Variants in CD58 observed in about 807,000 individuals in gnomAD.
CD58 encodes CD58 molecule.
Under a neutral mutation model 27.6 loss-of-function variants are expected in CD58, and 14 were observed. That is an observed-to-expected ratio of 0.51 (90% CI 0.34 to 0.79). The LOEUF is 0.79. Among genes scored for constraint, CD58 ranks in the 30% least tolerant of loss-of-function variants. The probability of loss-of-function intolerance (pLI) is 0.02; values close to 1 mark genes in which losing one functional copy is unlikely to be tolerated. For missense variants in CD58, 268 were observed against 301.7 expected (o/e 0.89, Z 0.83); for synonymous variants, 117 against 103.8 (o/e 1.13, Z -0.77).
chr1:116,546,889 C>A lies in CD58; in HGVS notation c.71-2285G>T, dbSNP rs1313391093. 2.0e-5 allele frequency among the ~76,000 whole-genome samples: 3 copies of A among 152,148 alleles called. No individual in the cohort carries two copies. Among genetic ancestry groups the A allele is most frequent in the African/African-American group, 7.2e-5 (3 of 41,424 alleles). On this transcript the variant is annotated intron_variant, in intron 1 of 5. Transcript: ENST00000369489. This position sits in a 1 kb window ranked among gnomAD's most constrained non-coding sequence, Gnocchi z 4.1. ...CATCCCTGAGATAGCAAGACCAACC[C>A]CTCCTCCCACTTAGCCTGCTTTAAC...
chr1:116,544,627 T>G, intron 1 of CD58, 23 bp from the exon 2 acceptor site: 1 of 1,528,010 alleles, frequency 6.5e-7, no homozygotes, highest in Non-Finnish European at 8.8e-7. Context: ...AAAAAATTGG[T>G]TAGAAAAAAC....
At position 116,517,199 on chromosome 1, in the gene CD58, A is replaced by C. The variant is rs1420580428; in HGVS notation, c.743+2032T>G. ...TCTCACACTCACCTGGGGCTCACGC[A>C]TATTGCTCAGATCTGAAATGCCTTC... On this transcript the variant is annotated intron_variant, in intron 5 of 5. Transcript: ENST00000369489. This position sits in a 1 kb window ranked among gnomAD's most constrained non-coding sequence, Gnocchi z 6.5. Among the ~76,000 whole-genome samples the C allele has an allele frequency of 6.6e-6, 1 of 151,814 alleles. No individual in the cohort carries two copies. The highest frequency in any genetic ancestry group is 2.4e-5 in the African/African-American group (1 of 41,320).
rs1230963374 is a variant in CD58 at position 116,532,850 on chromosome 1, T to C, written c.628+3115A>G. Reference sequence around the variant, plus strand: ...GATGGAGTAAGCGCTGTCGACGGGATTGTGCCGCATGCGGCAAAGACTGAG... The same window carrying C: ...GATGGAGTAAGCGCTGTCGACGGGACTGTGCCGCATGCGGCAAAGACTGAG... On this transcript the variant is annotated intron_variant, in intron 3 of 5. Coordinates refer to ENST00000369489, the MANE Select transcript of CD58 (RefSeq NM_001779.3). The surrounding 1 kb of genome is among the most constrained non-coding windows in gnomAD (Gnocchi z 5.1). The C allele has an allele frequency of 3.3e-6, 2 of 614,048 alleles. No individual in the cohort carries two copies. The highest frequency in any genetic ancestry group is 1.9e-5 in the African/African-American group (1 of 53,858). The allele number at this position is 614,048 out of a possible 1,614,324, so 38.0% of individuals were successfully genotyped here.
At chr1:116,560,235 C>T (rs1658712177) in intron 1 of CD58, 1 of 152,188 alleles carries the variant, frequency 6.6e-6, no homozygotes, top group Admixed American at 6.5e-5. Context: ...TTTCAAGACA[C>T]TCACATCCCA....
At chr1:116,548,503 T>C (rs1265044337) in intron 1 of CD58, among the ~76,000 whole-genome samples, 1 of 152,236 alleles carries the variant, frequency 6.6e-6, no homozygotes, top group Non-Finnish European at 1.5e-5. Context: ...TCCAGTTTCA[T>C]TCTTCTACAC....
intron 2 of CD58, among the ~76,000 whole-genome samples, chr1:116,537,119 G>A (rs559445440): frequency 1.3e-5 from 2 of 152,286 alleles, no homozygotes; most frequent in African/African-American, 4.8e-5. Context: ...AGCCAGCCAT[G>A]ATGGCTCCTG....
chr1:116,520,224 G>A (rs575890621), intron 4 of CD58, among the ~76,000 whole-genome samples: 71 of 152,016 alleles, frequency 4.7e-4, no homozygotes, highest in Non-Finnish European at 8.4e-4. Context: ...CCTCCCTCCC[G>A]CCTCAGCCTC....
intron 1 of CD58, among the ~76,000 whole-genome samples, chr1:116,553,863 T>C (rs1658470860): frequency 6.6e-6 from 1 of 152,086 alleles, no homozygotes; most frequent in South Asian, 2.1e-4. Context: ...AAACACTGGC[T>C]AAGGAGACTG....
intron 3 of CD58, chr1:116,533,363 A>G: frequency 1.0e-6 from 1 of 1,001,816 alleles, no homozygotes. Flanking sequence ...CCATGATCTC[A>G]GGACCTGCAA....
chr1:116,519,468 A>G lies in CD58; in HGVS notation c.707-201T>C, dbSNP rs929675359. ...AAGAGTTGTTCAAAAATTGGTCAGA[A>G]CATGATAGAAAACCAAATGCAAAAA... On this transcript the variant is annotated intron_variant, in intron 4 of 5. Coordinates refer to ENST00000369489, the MANE Select transcript of CD58 (RefSeq NM_001779.3). The surrounding 1 kb of genome is among the most constrained non-coding windows in gnomAD (Gnocchi z 4.7). Among the ~76,000 whole-genome samples the G allele has an allele frequency of 9.2e-5, 14 of 152,234 alleles. No individual in the cohort carries two copies. Among genetic ancestry groups the G allele is most frequent in the African/African-American group, 3.4e-4 (14 of 41,466 alleles).
Position 116,516,736 on chromosome 1 carries a change from C to A in CD58, c.744-1914G>T, listed in dbSNP as rs1021605437. Among the ~76,000 whole-genome samples, 1 of 152,194 alleles carries A rather than the reference C, an allele frequency of 6.6e-6. No individual in the cohort carries two copies. The highest frequency in any genetic ancestry group is 1.5e-5 in the Non-Finnish European group (1 of 68,036). Reference sequence around the variant, plus strand: ...CTGATTATTCTGGCCTCTCCAATTCCTCTGCGTTGGTTGCTCAGCCCTTAC... The same window carrying A: ...CTGATTATTCTGGCCTCTCCAATTCATCTGCGTTGGTTGCTCAGCCCTTAC... On this transcript the variant is annotated intron_variant, in intron 5 of 5. Coordinates refer to ENST00000369489, the MANE Select transcript of CD58 (RefSeq NM_001779.3). The surrounding 1 kb of genome is among the most constrained non-coding windows in gnomAD (Gnocchi z 6.1).
rs769982261 is a variant in CD58 at position 116,523,338 on chromosome 1, G to T, written c.629-1355C>A. Among the ~76,000 whole-genome samples, 1 of 152,082 alleles carries T rather than the reference G, an allele frequency of 6.6e-6. No individual in the cohort carries two copies. The highest frequency in any genetic ancestry group is 1.5e-5 in the Non-Finnish European group (1 of 68,012). ...TGCACTGCTAAAGGATTGGGGAGGG[G>T]TCACTAAGAACAAATGTGACATGGA... On this transcript the variant is annotated intron_variant, in intron 3 of 5. Transcript: ENST00000369489. This position sits in a 1 kb window ranked among gnomAD's most constrained non-coding sequence, Gnocchi z 4.4.
At position 116,559,407 on chromosome 1, in the gene CD58, C is replaced by T. The variant is rs1253438220; in HGVS notation, c.70+11496G>A. ...GCTAGCAAGGGGCAGAGCTGGTGTCCAGACACAGGCAGTCGGCCCCAGAGC... is the reference window on the plus strand; with the variant it reads ...GCTAGCAAGGGGCAGAGCTGGTGTCTAGACACAGGCAGTCGGCCCCAGAGC... On this transcript the variant is annotated intron_variant, in intron 1 of 5. Transcript: ENST00000369489. The surrounding 1 kb of genome is among the most constrained non-coding windows in gnomAD (Gnocchi z 4.4). 1.3e-5 allele frequency among the ~76,000 whole-genome samples: 2 copies of T among 152,172 alleles called. No homozygotes were observed. Among genetic ancestry groups the T allele is most frequent in the East Asian group, 3.9e-4 (2 of 5,194 alleles).
rs555315536 is a variant in CD58 at position 116,517,171 on chromosome 1, G to A, written c.743+2060C>T. On this transcript the variant is annotated intron_variant, in intron 5 of 5. Coordinates refer to ENST00000369489, the MANE Select transcript of CD58 (RefSeq NM_001779.3). This position sits in a 1 kb window ranked among gnomAD's most constrained non-coding sequence, Gnocchi z 6.5. ...CTAGATCTCAGCAGAGACCTGACTT[G>A]GCTCTCACACTCACCTGGGGCTCAC... 1.7e-4 allele frequency among the ~76,000 whole-genome samples: 26 copies of A among 151,770 alleles called. No homozygotes were observed. Among genetic ancestry groups the A allele is most frequent in the Non-Finnish European group, 3.4e-4 (23 of 67,954 alleles).
At chr1:116,526,387 G>C (rs1657434562) in intron 3 of CD58, among the ~76,000 whole-genome samples, 1 of 152,182 alleles carries the variant, frequency 6.6e-6, no homozygotes, top group South Asian at 2.1e-4. Context: ...TCTGTGTTTA[G>C]ATTCATTTTT....
Position 116,519,136 on chromosome 1 carries a change from A to G in CD58, c.743+95T>C. The G allele has an allele frequency of 6.3e-7, 1 of 1,578,712 alleles. No homozygotes were observed. The highest frequency in any genetic ancestry group is 2.3e-5 in the East Asian group (1 of 44,274). On this transcript the variant is annotated intron_variant, in intron 5 of 5. Transcript: ENST00000369489. The surrounding 1 kb of genome is among the most constrained non-coding windows in gnomAD (Gnocchi z 4.7). Reference sequence around the variant, plus strand: ...CTTCTTATTACTGTACAAGGCAACCAACAGATGAGTACAATCTGGCTTCCC... The same window carrying G: ...CTTCTTATTACTGTACAAGGCAACCGACAGATGAGTACAATCTGGCTTCCC...
intron 1 of CD58, among the ~76,000 whole-genome samples, chr1:116,554,366 T>C (rs1411820036): frequency 6.6e-6 from 1 of 152,042 alleles, no homozygotes; most frequent in Non-Finnish European, 1.5e-5. Context: ...TATAGAAATA[T>C]ATATGCAGAA....
chr1:116,515,893 T>A lies in CD58; in HGVS notation c.744-1071A>T, dbSNP rs554332139. 6.6e-6 allele frequency among the ~76,000 whole-genome samples: 1 copy of A among 152,142 alleles called. No individual in the cohort carries two copies. The highest frequency in any genetic ancestry group is 1.9e-4 in the East Asian group (1 of 5,200). On this transcript the variant is annotated intron_variant, in intron 5 of 5. Transcript: ENST00000369489. This position sits in a 1 kb window ranked among gnomAD's most constrained non-coding sequence, Gnocchi z 4.6. The stretch of plus-strand genomic sequence containing the variant: ...CAGATGTCTGCTATCTACTCATCTG[T>A]CCTCTGTTGTTCCTAATTGGGTTTA...
At chr1:116,551,102 C>G (rs1658374034) in intron 1 of CD58, among the ~76,000 whole-genome samples, 1 of 152,054 alleles carries the variant, frequency 6.6e-6, no homozygotes, top group Non-Finnish European at 1.5e-5. Flanking sequence ...CTTAAGGGCC[C>G]TAAAAATTTT....
Sources: gnomAD v4.1 joint callset for allele counts (sites outside exome capture counted in the v4.1 genomes callset) on GRCh38, gnomAD v4.1.1 for gene constraint, Gnocchi (gnomAD v3.1) non-coding constraint, MANE v1.5 for transcripts, NCBI Gene and HGNC (gene_info 2026-07-23, HGNC 2026-07-21) for gene names.